The following KMT2E variants were observed in gnomAD, a reference collection of about 807,000 sequenced individuals.
KMT2E encodes the protein lysine methyltransferase 2E (inactive).
A neutral mutation model predicts 184.6 loss-of-function variants in KMT2E; 30 were observed. That is an observed-to-expected ratio of 0.16 (90% CI 0.12 to 0.22). The LOEUF (loss-of-function observed/expected upper bound fraction) is 0.22. Among genes scored for constraint, KMT2E ranks in the 10% least tolerant of loss-of-function variants. KMT2E has a pLI of 1.00. For missense variants in KMT2E, 2,023 were observed against 2,237.4 expected, an observed-to-expected ratio of 0.90 and a Z score of 1.93; for synonymous variants, 815 against 776.5, an observed-to-expected ratio of 1.05 and a Z score of -0.82.
At chr7:105,024,784 CT>C (rs1384133013) in intron 1 of KMT2E, among the ~76,000 whole-genome samples, 2 of 152,110 alleles carry the variant, frequency 1.3e-5, no homozygotes, top group East Asian at 3.8e-4. Context: ...AGAAATCATG[CT>C]GGACATTTCT....
At chr7:105,015,646 T>C (rs1201116954) in intron 1 of KMT2E, among the ~76,000 whole-genome samples, 2 of 152,148 alleles carry the variant, frequency 1.3e-5, no homozygotes, top group African/African-American at 4.8e-5. Context: ...GAAATTTCCC[T>C]CTTTTGTCCT....
At chr7:105,017,286 T>C (rs1794754784) in intron 1 of KMT2E, among the ~76,000 whole-genome samples, 1 of 152,188 alleles carries the variant, frequency 6.6e-6, no homozygotes, top group African/African-American at 2.4e-5. Flanking sequence ...GCAATTGAAC[T>C]TATTTGGCTT....
intron 1 of KMT2E, among the ~76,000 whole-genome samples, chr7:105,028,169 CTTT>C (rs751104838): frequency 7.0e-6 from 1 of 142,108 alleles, no homozygotes; most frequent in Non-Finnish European, 1.5e-5. Context: ...GGAACTGAGA[CTTT>C]TTTTTTTTTT....
At chr7:105,081,441 A>G (rs887076910) in intron 12 of KMT2E, among the ~76,000 whole-genome samples, 1 of 150,652 alleles carries the variant, frequency 6.6e-6, no homozygotes, top group African/African-American at 2.4e-5. Context: ...TATTATTATT[A>G]TTATTATTAT....
intron 3 of KMT2E, among the ~76,000 whole-genome samples, chr7:105,047,257 CA>C (rs1158861919): frequency 6.6e-6 from 1 of 152,212 alleles, no homozygotes; most frequent in Non-Finnish European, 1.5e-5. Context: ...AATAAGTATA[CA>C]ACATAAACCA....
At chr7:105,045,209 T>C (rs370805114) in intron 3 of KMT2E, among the ~76,000 whole-genome samples, 1 of 152,370 alleles carries the variant, frequency 6.6e-6, no homozygotes, top group African/African-American at 2.4e-5. Flanking sequence ...AGTTCTCAGA[T>C]CTTCTTACAT....
At chr7:105,017,713 G>A (rs545939878) in intron 1 of KMT2E, among the ~76,000 whole-genome samples, 144 of 152,240 alleles carry the variant, frequency 9.5e-4, no homozygotes, top group Non-Finnish European at 1.8e-3. Context: ...TGAAGGATTA[G>A]TTGTTTATCT....
At chr7:105,026,539 G>T (rs1795185100) in intron 1 of KMT2E, among the ~76,000 whole-genome samples, 1 of 152,164 alleles carries the variant, frequency 6.6e-6, no homozygotes, top group Non-Finnish European at 1.5e-5. Flanking sequence ...AATAACTGAT[G>T]ATTGTGTTGG....
intron 15 of KMT2E, among the ~76,000 whole-genome samples, chr7:105,092,723 G>C (rs1481028793): frequency 6.6e-6 from 1 of 152,092 alleles, no homozygotes. Flanking sequence ...ATTGAGTATT[G>C]ATTTTTAGTA....
chr7:105,074,741 A>G lies in KMT2E; in HGVS notation c.655A>G (p.Arg219Gly), dbSNP rs748060158. 12 of 1,611,540 alleles carry G rather than the reference A, an allele frequency of 7.4e-6. No homozygotes were observed. Among genetic ancestry groups the G allele is most frequent in the Middle Eastern group, 1.6e-4 (1 of 6,064 alleles). The change falls in exon 8 of 27, where the codon AGA (arginine) becomes GGA (glycine). Residue 219 changes from arginine (R) to glycine (G), a missense_variant. Arg to Gly is a moderately radical substitution (Grantham distance 125). This residue lies in a region of KMT2E where 191 missense variants were observed against 209.0 expected (regional missense o/e 0.91). Transcript: ENST00000311117. The part of the protein sequence containing the change: ...TPTSITLTAS[R>G]VSKVNDKRRK... ...AACATCAATTACTTTAACTGCTTCAAGAGTTTCCAAAGTTAATGATAAAAG... is the reference window on the plus strand; with the variant it reads ...AACATCAATTACTTTAACTGCTTCAGGAGTTTCCAAAGTTAATGATAAAAG...
chr7:105,086,794 A>T (rs1329147086), intron 13 of KMT2E, among the ~76,000 whole-genome samples: 2 of 146,606 alleles, frequency 1.4e-5, no homozygotes, highest in African/African-American at 5.0e-5. Context: ...TATAATATAT[A>T]AAAATATGAT....
At position 105,077,303 on chromosome 7, in the gene KMT2E, A is replaced by C; in HGVS notation, c.1000A>C (p.Ser334Arg). The C allele has an allele frequency of 6.2e-7, 1 of 1,607,258 alleles. No individual in the cohort carries two copies. Among genetic ancestry groups the C allele is most frequent in the Non-Finnish European group, 8.5e-7 (1 of 1,176,184 alleles). Residue 334 changes from serine to arginine, a missense_variant and splice_region_variant, in exon 11 of 27, where the codon AGC becomes CGC. Coordinates refer to ENST00000311117, the MANE Select transcript of KMT2E (RefSeq NM_182931.3). ...ATCTCAACATTTACTCTGATTTTAGAGCCATATACAAAAGAATAAGAAAAT... is the reference window on the plus strand; with the variant it reads ...ATCTCAACATTTACTCTGATTTTAGCGCCATATACAAAAGAATAAGAAAAT... The part of the protein sequence containing the change: ...NNLLFKPPVE[S>R]HIQKNKKILK...
rs1342825036 is a variant in KMT2E, at chr7:105,078,888, A to G, written c.1173A>G (p.Leu391=). ...TATTCTACTCTAAATTTCATGGGCT[A>G]GAAATGTGTGTTGATGCAAGGACTT... is the stretch of plus-strand genomic sequence containing the variant. ...FVLFYSKFHG[L]EMCVDARTFG... Residue 391 remains leucine, a synonymous_variant, in exon 12 of 27, where the codon CTA becomes CTG. Transcript: ENST00000311117. 1.2e-6 allele frequency: 2 copies of G among 1,609,454 alleles called. No homozygotes were observed. Among genetic ancestry groups the G allele is most frequent in the South Asian group, 1.1e-5 (1 of 91,002 alleles).
chr7:105,028,056 A>G (rs779307707), intron 1 of KMT2E, among the ~76,000 whole-genome samples: 51 of 145,722 alleles, frequency 3.5e-4, no homozygotes, highest in Middle Eastern at 7.4e-3. Context: ...GTATATTCTA[A>G]GAGACAACTA....
intron 3 of KMT2E, among the ~76,000 whole-genome samples, chr7:105,056,450 C>A (rs565197747): frequency 2.0e-5 from 3 of 152,182 alleles, no homozygotes; most frequent in Admixed American, 6.5e-5. Context: ...TGAAGTCTGA[C>A]CTTTACATGC....
chr7:105,058,719 A>G (rs1331644415), intron 3 of KMT2E, among the ~76,000 whole-genome samples: 1 of 152,202 alleles, frequency 6.6e-6, no homozygotes, highest in South Asian at 2.1e-4. Flanking sequence ...TATTGCTTAT[A>G]TATTGGGAAT....
chr7:105,066,741 T>C lies in KMT2E; in HGVS notation c.431T>C (p.Ile144Thr), dbSNP rs1279850836. Residue 144 changes from isoleucine to threonine, a missense_variant, in exon 6 of 27, where the codon ATT (isoleucine) becomes ACT (threonine). Ile to Thr is a moderately conservative substitution (Grantham distance 89). This residue lies in a region of KMT2E where 30 missense variants were observed against 80.6 expected (regional missense o/e 0.37). Coordinates refer to ENST00000311117, the MANE Select transcript of KMT2E (RefSeq NM_182931.3). ...TTTTTTTTAAGCGTTTGGCAACATA[T>C]TGACTGCATGGGGATTGATAGGCAG... Reference protein sequence around the residue: ...CCDKCSVWQHIDCMGIDRQHI... With the variant: ...CCDKCSVWQHTDCMGIDRQHI... 4 of 1,612,010 alleles carry C rather than the reference T, an allele frequency of 2.5e-6. No individual in the cohort carries two copies. The highest frequency in any genetic ancestry group is 3.4e-6 in the Non-Finnish European group (4 of 1,178,760).
chr7:105,103,624 A>G (rs1180285874), intron 17 of KMT2E: 1 of 152,130 alleles, frequency 6.6e-6, no homozygotes, highest in Non-Finnish European at 1.5e-5. Context: ...TCCAGACTCC[A>G]TGTGTTTCAC....
At chr7:105,081,856 T>G in intron 13 of KMT2E, 59 bp downstream of exon 13, 1 of 723,278 alleles carries the variant, frequency 1.4e-6, no homozygotes, top group South Asian at 1.8e-5. Flanking sequence ...AATGTCCCTG[T>G]AATAATTTAG....
Sources: gnomAD v4.1 joint callset for allele counts (sites outside exome capture counted in the v4.1 genomes callset) on GRCh38, gnomAD v4.1.1 for gene constraint, gnomAD v4.1.1 regional missense constraint, MANE v1.5 for transcripts, NCBI Gene and HGNC (gene_info 2026-07-23, HGNC 2026-07-21) for gene names.